MTX1: variants seen among roughly 807,000 people sequenced by gnomAD.
The protein encoded by MTX1 is metaxin-1.
A neutral mutation model predicts 39.4 loss-of-function variants in MTX1; 20 were observed. That is an observed-to-expected ratio of 0.51 (90% CI 0.36 to 0.74). MTX1 has a LOEUF of 0.74. MTX1 is among the 30% of genes least tolerant of loss of function. The pLI is 0.00. For synonymous variants in MTX1, 209 were observed against 198.6 expected, an observed-to-expected ratio of 1.05 and a Z score of -0.44; for missense variants, 481 against 485.9, an observed-to-expected ratio of 0.99 and a Z score of 0.10.
In MTX1 at chr1:155,208,854, A is replaced by G. The variant is rs1421972084; in HGVS notation, c.50A>G (p.Lys17Arg). Residue 17 changes from lysine to arginine, a missense_variant, in exon 1 of 8, where the codon AAG (lysine) becomes AGG (arginine). Coordinates refer to ENST00000368376, the MANE Select transcript of MTX1 (RefSeq NM_002455.5). The part of the protein sequence containing the change: ...PRSPRSGTSP[K>R]GPWSSTGHVQ... ...AGTCCCCGCTCGGGGACGAGCCCCAAGGGGCCCTGGAGCAGTACAGGCCAC... is the reference window on the plus strand; with the variant it reads ...AGTCCCCGCTCGGGGACGAGCCCCAGGGGGCCCTGGAGCAGTACAGGCCAC... 2 of 1,599,376 alleles carry G rather than the reference A, an allele frequency of 1.3e-6. No individual in the cohort carries two copies. Among genetic ancestry groups the G allele is most frequent in the South Asian group, 1.1e-5 (1 of 90,130 alleles).
intron 2 of MTX1, 32 bp from the exon 3 acceptor site, chr1:155,210,516 G>A (rs1329799381): frequency 6.2e-7 from 1 of 1,611,454 alleles, no homozygotes; most frequent in African/African-American, 1.3e-5. Context: ...GCAGCTAAGG[G>A]TCTGGTTGGT....
In MTX1 at chr1:155,212,390, T is replaced by G. The variant is rs751538045; in HGVS notation, c.777T>G (p.His259Gln). ...TTCCTGCCCACCCAATCCAGGTACATACTTTTTGGATAGACACCAAGAACT... is the reference window on the plus strand; with the variant it reads ...TTCCTGCCCACCCAATCCAGGTACAGACTTTTTGGATAGACACCAAGAACT... ...LEEKLLPVLV[H>Q]TFWIDTKNYV... is the part of the protein sequence containing the mutation. Residue 259 changes from histidine to glutamine, a missense_variant, in exon 5 of 8, where the codon CAT becomes CAG. His to Gln is a conservative substitution (Grantham distance 24). Coordinates refer to ENST00000368376, the MANE Select transcript of MTX1 (RefSeq NM_002455.5). 6.2e-7 allele frequency: 1 copy of G among 1,614,188 alleles called. No individual in the cohort carries two copies. Among genetic ancestry groups the G allele is most frequent in the East Asian group, 2.2e-5 (1 of 44,878 alleles).
At chr1:155,210,755 G>C in intron 3 of MTX1, 128 bp downstream of exon 3, 1 of 848,644 alleles carries the variant, frequency 1.2e-6, no homozygotes, top group Non-Finnish European at 1.9e-6. Context: ...AGGAGCAACA[G>C]TCTTGTGGCA....
chr1:155,208,730 G>A lies in MTX1; in HGVS notation c.-75G>A. 3.2e-6 allele frequency: 2 copies of A among 617,302 alleles called. No homozygotes were observed. The highest frequency in any genetic ancestry group is 4.6e-6 in the Non-Finnish European group (2 of 430,730). 38.2% of individuals were successfully genotyped at this position (617,302 alleles called of 1,614,324 possible). ...CAGCCCGGCCTCCGCTCCGGCCGCC[G>A]CCACCGCCCCTGTTTTGTTTCCATG... is the stretch of plus-strand genomic sequence containing the variant. On this transcript the variant is annotated 5_prime_UTR_variant, in exon 1 of 8. Transcript: ENST00000368376.
Position 155,208,829 on chromosome 1 carries a change from A to G in MTX1, c.25A>G (p.Ser9Gly). 1 of 1,577,998 alleles carries G rather than the reference A, an allele frequency of 6.3e-7. No individual in the cohort carries two copies. Among genetic ancestry groups the G allele is most frequent in the South Asian group, 1.1e-5 (1 of 88,988 alleles). The change falls in exon 1 of 8, where the codon AGT becomes GGT. Residue 9 changes from serine to glycine, a missense_variant. Around this residue, in one of 2 missense-constraint regions of MTX1, gnomAD observed 368 missense variants for 332.8 expected, o/e 1.11. Coordinates refer to ENST00000368376, the MANE Select transcript of MTX1 (RefSeq NM_002455.5). ...CATGCTGCTCGGGGGACCCCCCCGC[A>G]GTCCCCGCTCGGGGACGAGCCCCAA... MLLGGPPR[S>G]PRSGTSPKGP... is the part of the protein sequence containing the mutation.
In MTX1 at chr1:155,209,172, G is replaced by T. The variant is rs756221795; in HGVS notation, c.368G>T (p.Gly123Val). The T allele has an allele frequency of 1.3e-6, 2 of 1,487,618 alleles. No homozygotes were observed. The highest frequency in any genetic ancestry group is 5.0e-5 in the East Asian group (2 of 39,902). The allele number at this position is 1,487,618 out of a possible 1,614,324, so 92.2% of individuals were successfully genotyped here. ...GGCCCCCTGACCGCAACGATCGGAG[G>T]GGCGGTGGCGGGGGGCGGGCCCAGG... ...SPGPLTATIGGAVAGGGPRQG... is the reference protein window; with the variant it reads ...SPGPLTATIGVAVAGGGPRQG... The change falls in exon 1 of 8, where the codon GGG becomes GTG. Residue 123 changes from glycine to valine, a missense_variant. Around this residue, in one of 2 missense-constraint regions of MTX1, gnomAD observed 368 missense variants for 332.8 expected, o/e 1.11. Coordinates refer to ENST00000368376, the MANE Select transcript of MTX1 (RefSeq NM_002455.5).
chr1:155,212,864 C>G (rs546817870), intron 6 of MTX1, 94 bp downstream of exon 6: 4 of 1,513,188 alleles, frequency 2.6e-6, no homozygotes. Flanking sequence ...GGGGCTGGCT[C>G]AGGCTCTGGA....
chr1:155,209,447 T>A, intron 1 of MTX1, 115 bp downstream of exon 1: 1 of 1,193,884 alleles, frequency 8.4e-7, no homozygotes, highest in Non-Finnish European at 1.1e-6. Flanking sequence ...TGGGGGAAAC[T>A]GAGGCAGTCA....
At position 155,209,293 on chromosome 1, in the gene MTX1, G is replaced by T. The variant is rs769264753; in HGVS notation, c.489G>T (p.Trp163Cys). The T allele has an allele frequency of 6.9e-7, 1 of 1,439,804 alleles. No individual in the cohort carries two copies. Among genetic ancestry groups the T allele is most frequent in the Non-Finnish European group, 9.1e-7 (1 of 1,096,182 alleles). The allele number at this position is 1,439,804 out of a possible 1,614,324, so 89.2% of individuals were successfully genotyped here. The change falls in exon 1 of 8, where the codon TGG (tryptophan) becomes TGT (cysteine). Residue 163 changes from tryptophan to cysteine, a missense_variant. Physicochemically the swap from Trp to Cys is radical, Grantham distance 215 (BLOSUM62 -2). Around this residue, in one of 2 missense-constraint regions of MTX1, gnomAD observed 368 missense variants for 332.8 expected, o/e 1.11. Coordinates refer to ENST00000368376, the MANE Select transcript of MTX1 (RefSeq NM_002455.5). Reference sequence around the variant, plus strand: ...AGCTGTTCTGCTGGTCAGGGGGCTGGGGGCTGCCGTCAGTGGACCTGGACA... The same window carrying T: ...AGCTGTTCTGCTGGTCAGGGGGCTGTGGGCTGCCGTCAGTGGACCTGGACA... Reference protein sequence around the residue: ...PMELFCWSGGWGLPSVDLDSL... With the variant: ...PMELFCWSGGCGLPSVDLDSL...
At chr1:155,212,290 C>A (rs942971406) in intron 4 of MTX1, 71 bp downstream of exon 4, 1 of 1,594,828 alleles carries the variant, frequency 6.3e-7, no homozygotes, top group East Asian at 2.2e-5. Flanking sequence ...GACCCACACA[C>A]AGGCTCAGGA....
chr1:155,212,162 A>G lies in MTX1; in HGVS notation c.714A>G (p.Gln238=). 6.2e-7 allele frequency: 1 copy of G among 1,612,378 alleles called. No homozygotes were observed. The highest frequency in any genetic ancestry group is 8.5e-7 in the Non-Finnish European group (1 of 1,179,068). Residue 238 remains glutamine (Q), a synonymous_variant, in exon 4 of 8, where the codon CAA becomes CAG. Transcript: ENST00000368376. The part of the protein sequence containing the change: ...YNADYDLSAR[Q]GADTLAFMSL... ...CTGATTATGATCTGTCAGCTCGGCA[A>G]GGGGCAGACACCCTGGCCTTCATGT...
chr1:155,212,673 C>T, intron 5 of MTX1, 21 bp from the exon 6 acceptor site: 1 of 1,612,306 alleles, frequency 6.2e-7, no homozygotes, highest in South Asian at 1.1e-5. Context: ...AGCTGCAAGC[C>T]TACCTGTGTC....
rs918794116 is a variant in MTX1, at chr1:155,212,041, G to C, written c.679-86G>C. 58 of 1,213,090 alleles carry C rather than the reference G, an allele frequency of 4.8e-5. No homozygotes were observed. In the African/African-American group the frequency reaches 8.2e-4, roughly 17 times the overall value. 75.1% of individuals were successfully genotyped at this position (1,213,090 alleles called of 1,614,324 possible). ...CTCCACTGCACTCAGAGGCCAGTGAGGGGGGTACCAGACAGGACTCCTTCC... is the reference window on the plus strand; with the variant it reads ...CTCCACTGCACTCAGAGGCCAGTGACGGGGGTACCAGACAGGACTCCTTCC... On this transcript the variant is annotated intron_variant, in intron 3 of 7. Transcript: ENST00000368376.
In MTX1 at chr1:155,208,972, T is replaced by C. The variant is rs1192577551; in HGVS notation, c.168T>C (p.Thr56=). The C allele has an allele frequency of 1.2e-6, 2 of 1,607,036 alleles. No individual in the cohort carries two copies. The highest frequency in any genetic ancestry group is 1.7e-4 in the Middle Eastern group (1 of 5,976). ...PAAPSGVRGS[T]WTRRRDSPRR... ...CGCCTTCAGGGGTTCGGGGCTCCACTTGGACGAGGCGCCGTGACTCTCCGA... is the reference window on the plus strand; with the variant it reads ...CGCCTTCAGGGGTTCGGGGCTCCACCTGGACGAGGCGCCGTGACTCTCCGA... Residue 56 remains threonine (T), a synonymous_variant, in exon 1 of 8, where the codon ACT becomes ACC. Coordinates refer to ENST00000368376, the MANE Select transcript of MTX1 (RefSeq NM_002455.5).
Position 155,212,143 on chromosome 1 carries a change from A to C in MTX1, c.695A>C (p.Tyr232Ser). ...HLRKEKYNADYDLSARQGADT... is the reference protein window; with the variant it reads ...HLRKEKYNADSDLSARQGADT... ...CCTCCACAGAAGTACAATGCTGATTATGATCTGTCAGCTCGGCAAGGGGCA... is the reference window on the plus strand; with the variant it reads ...CCTCCACAGAAGTACAATGCTGATTCTGATCTGTCAGCTCGGCAAGGGGCA... The change falls in exon 4 of 8, where the codon TAT (tyrosine) becomes TCT (serine). Residue 232 changes from tyrosine (Y) to serine (S), a missense_variant. Tyr to Ser is a moderately radical substitution (Grantham distance 144). This residue lies in a region of MTX1 where 368 missense variants were observed against 332.8 expected (regional missense o/e 1.11). Coordinates refer to ENST00000368376, the MANE Select transcript of MTX1 (RefSeq NM_002455.5). 1 of 1,609,612 alleles carries C rather than the reference A, an allele frequency of 6.2e-7. No homozygotes were observed. Among genetic ancestry groups the C allele is most frequent in the Non-Finnish European group, 8.5e-7 (1 of 1,177,766 alleles).
rs891206155 is a variant in MTX1, at chr1:155,209,468, G to C, written c.528+136G>C. On this transcript the variant is annotated intron_variant, in intron 1 of 7. Transcript: ENST00000368376. ...AAACTGAGGCAGTCAAAGAGCGTAC[G>C]TGGCCGATATGGCCTCAGTGCCCTA... 1.3e-4 allele frequency: 134 copies of C among 1,024,498 alleles called. 1 individual carries two copies. Among genetic ancestry groups the C allele is most frequent in the Middle Eastern group, 6.9e-4 (2 of 2,918 alleles). The allele number at this position is 1,024,498 out of a possible 1,614,324, so 63.5% of individuals were successfully genotyped here.
At position 155,209,244 on chromosome 1, in the gene MTX1, T is replaced by C. The variant is rs1571943895; in HGVS notation, c.440T>C (p.Val147Ala). The C allele has an allele frequency of 1.4e-6, 2 of 1,445,182 alleles. No homozygotes were observed. The highest frequency in any genetic ancestry group is 1.8e-6 in the Non-Finnish European group (2 of 1,095,702). The allele number at this position is 1,445,182 out of a possible 1,614,324, so 89.5% of individuals were successfully genotyped here. ...AAGGAAGTGTTTCCGGGACAGAGGG[T>C]GGGCAAGATGGCGGCGCCCATGGAG... ...AHKEVFPGQR[V>A]GKMAAPMELF... Residue 147 changes from valine (V) to alanine (A), a missense_variant, in exon 1 of 8, where the codon GTG becomes GCG. Val to Ala is a moderately conservative substitution (Grantham distance 64). Coordinates refer to ENST00000368376, the MANE Select transcript of MTX1 (RefSeq NM_002455.5).
Position 155,208,945 on chromosome 1 carries a change from CGCG to C in MTX1, c.142_144del (p.Ala48del), listed in dbSNP as rs1313340591. On this transcript the variant is annotated inframe_deletion, in exon 1 of 8. Transcript: ENST00000368376. ...CAAGACCCCGCTCTCCAGAGCCTGC[CGCG>C]CCTTCAGGGGTTCGGGGCTCCACTT... The C allele has an allele frequency of 1.2e-6, 2 of 1,609,872 alleles. No homozygotes were observed. Among genetic ancestry groups the C allele is most frequent in the African/African-American group, 2.7e-5 (2 of 74,912 alleles).
At chr1:155,210,478 G>A in intron 2 of MTX1, 63 bp downstream of exon 2, 1 of 1,605,890 alleles carries the variant, frequency 6.2e-7, no homozygotes, top group Non-Finnish European at 8.5e-7. Flanking sequence ...GAAATAGGCA[G>A]GAATGTGTTG....
Sources: allele counts gnomAD v4.1 joint callset, GRCh38; gene constraint gnomAD v4.1.1; regional missense constraint gnomAD v4.1.1; transcripts MANE v1.5; gene names NCBI Gene and HGNC (gene_info 2026-07-23, HGNC 2026-07-21).